The following ULK4 variants were observed in gnomAD, a reference collection of about 807,000 sequenced individuals.
ULK4 encodes the protein inactive serine/threonine-protein kinase ULK4.
In ULK4, 133 loss-of-function variants were observed where a neutral mutation model predicts 160.6. The observed-to-expected ratio is 0.83, with a 90% CI of 0.72 to 0.96. The LOEUF (loss-of-function observed/expected upper bound fraction) is 0.96, where lower values mean the gene tolerates loss of function less well. Among genes scored for constraint, ULK4 ranks in the 40% least tolerant of loss-of-function variants. The probability of loss-of-function intolerance (pLI) is 0.00; values close to 1 mark genes in which losing one functional copy is unlikely to be tolerated. For synonymous variants in ULK4, 534 were observed against 539.8 expected (o/e 0.99, Z 0.15); for missense variants, 1,580 against 1,499.5 (o/e 1.05, Z -0.89).
chr3:41,337,844 A>T (rs916356770), intron 35 of ULK4, among the ~76,000 whole-genome samples: 1 of 152,132 alleles, frequency 6.6e-6, no homozygotes, highest in Non-Finnish European at 1.5e-5. Context: ...CAGAATCTCA[A>T]GCTGCTCCAG....
intron 32 of ULK4, among the ~76,000 whole-genome samples, chr3:41,484,129 G>A (rs1357921775): frequency 1.3e-5 from 2 of 152,172 alleles, no homozygotes; most frequent in Admixed American, 1.3e-4. Flanking sequence ...TTCAGCCACT[G>A]TTCCTAGTAA....
At chr3:41,470,018 GAAAAAAAAA>G (rs71094650) in intron 32 of ULK4, among the ~76,000 whole-genome samples, 22 of 45,976 alleles carry the variant, frequency 4.8e-4, no homozygotes, top group South Asian at 1.1e-3. Flanking sequence ...AAACAGAACA[GAAAAAAAAA>G]AAAAAAAAAA....
In ULK4 at chr3:41,517,434, C is replaced by A. The variant is rs147872273; in HGVS notation, c.3226+48591G>T. Reference sequence around the variant, plus strand: ...GAACTAAGGAGGGCCCTTCTGTTCCCTTCTGCCATTGGGAGGACACAGTAA... The same window carrying A: ...GAACTAAGGAGGGCCCTTCTGTTCCATTCTGCCATTGGGAGGACACAGTAA... On this transcript the variant is annotated intron_variant, in intron 32 of 36. Transcript: ENST00000301831. 2.6e-5 allele frequency among the ~76,000 whole-genome samples: 4 copies of A among 152,234 alleles called. No homozygotes were observed. In the East Asian group the frequency reaches 5.8e-4, roughly 22 times the overall value.
At chr3:41,340,421 TG>T (rs1440820906) in intron 35 of ULK4, among the ~76,000 whole-genome samples, 1 of 152,232 alleles carries the variant, frequency 6.6e-6, no homozygotes, top group Non-Finnish European at 1.5e-5. Flanking sequence ...TGCCATGCAC[TG>T]GCTATGTGAC....
chr3:41,810,772 C>T (rs1349810017), intron 19 of ULK4, among the ~76,000 whole-genome samples: 1 of 152,180 alleles, frequency 6.6e-6, no homozygotes, highest in Non-Finnish European at 1.5e-5. Flanking sequence ...AACTGTTGGG[C>T]TAGTTCTCAT....
intron 21 of ULK4, among the ~76,000 whole-genome samples, chr3:41,757,771 C>T (rs1242604980): frequency 6.6e-6 from 1 of 151,620 alleles, no homozygotes; most frequent in South Asian, 2.1e-4. Flanking sequence ...GTAGCTGGGA[C>T]TACAGGTGCG....
rs144515729 is a variant in ULK4 at position 41,416,866 on chromosome 3, G to C, written c.3493-18602C>G. ...TGAGACAGCATTTGGGCATGAAAGA[G>C]ACTAGAGTTAGAATAAGGAATTAAA... On this transcript the variant is annotated intron_variant, in intron 34 of 36. Coordinates refer to ENST00000301831, the MANE Select transcript of ULK4 (RefSeq NM_017886.4). Among the ~76,000 whole-genome samples the C allele has an allele frequency of 3.1e-4, 47 of 152,310 alleles. No homozygotes were observed. In the East Asian group the frequency reaches 8.9e-3, roughly 29 times the overall value.
At chr3:41,577,666 C>A (rs760078374) in intron 31 of ULK4, among the ~76,000 whole-genome samples, 1 of 151,862 alleles carries the variant, frequency 6.6e-6, no homozygotes, top group Non-Finnish European at 1.5e-5. Flanking sequence ...TTCTCTAGCT[C>A]CATGAGTTCA....
intron 35 of ULK4, among the ~76,000 whole-genome samples, chr3:41,381,855 C>T (rs1464598539): frequency 6.6e-6 from 1 of 152,096 alleles, no homozygotes; most frequent in Non-Finnish European, 1.5e-5. Context: ...TAACCTCTTT[C>T]CTCCACGACA....
intron 17 of ULK4, among the ~76,000 whole-genome samples, chr3:41,867,675 C>T (rs1696945321): frequency 1.3e-5 from 2 of 152,174 alleles, no homozygotes; most frequent in South Asian, 2.1e-4. Flanking sequence ...CCACGCCCAG[C>T]CTGACAATCT....
intron 35 of ULK4, among the ~76,000 whole-genome samples, chr3:41,253,033 TAGAAGATATCATTC>T (rs2078769606): frequency 1.3e-5 from 2 of 152,142 alleles, no homozygotes; most frequent in Non-Finnish European, 2.9e-5. Flanking sequence ...GTTATATACC[TAGAAGATATCATTC>T]AGAAATGATA....
intron 17 of ULK4, chr3:41,859,695 T>G: frequency 2.7e-6 from 1 of 376,458 alleles, no homozygotes; most frequent in Non-Finnish European, 5.1e-6. Flanking sequence ...TCTCACTCTT[T>G]CACCCAGGCT....
At chr3:41,650,980 T>G (rs927417977) in intron 30 of ULK4, among the ~76,000 whole-genome samples, 5 of 152,092 alleles carry the variant, frequency 3.3e-5, no homozygotes, top group African/African-American at 9.7e-5. Flanking sequence ...TCCTTCTAGC[T>G]CTCTCTTTTT....
At chr3:41,602,326 AG>A (rs1463569902) in intron 31 of ULK4, among the ~76,000 whole-genome samples, 75 of 132,476 alleles carry the variant, frequency 5.7e-4, no homozygotes, top group Middle Eastern at 3.7e-3. Flanking sequence ...GAAAGGAGGA[AG>A]GGAAAGGAAA....
chr3:41,717,941 G>A (rs1007871473), intron 22 of ULK4, 80 bp from the exon 23 acceptor site: 1 of 1,521,416 alleles, frequency 6.6e-7, no homozygotes, highest in Non-Finnish European at 9.0e-7. Context: ...GCCAAGGCAA[G>A]TGTTTCCAGA....
At chr3:41,280,093 C>G (rs1318874550) in intron 35 of ULK4, among the ~76,000 whole-genome samples, 1 of 152,176 alleles carries the variant, frequency 6.6e-6, no homozygotes, top group Non-Finnish European at 1.5e-5. Flanking sequence ...AGGACCAATT[C>G]AACAAGAAGA....
intron 17 of ULK4, among the ~76,000 whole-genome samples, chr3:41,873,046 G>C (rs1336790634): frequency 6.6e-6 from 1 of 152,042 alleles, no homozygotes; most frequent in Non-Finnish European, 1.5e-5. Context: ...CCAGCTACTC[G>C]GGAGGCTGAG....
chr3:41,473,942 A>C (rs2084066010), intron 32 of ULK4, among the ~76,000 whole-genome samples: 1 of 152,208 alleles, frequency 6.6e-6, no homozygotes, highest in South Asian at 2.1e-4. Context: ...GATTCAATGC[A>C]GCAATCCCTA....
chr3:41,826,169 T>A (rs2125639111), intron 18 of ULK4, among the ~76,000 whole-genome samples: 1 of 152,166 alleles, frequency 6.6e-6, no homozygotes, highest in East Asian at 1.9e-4. Flanking sequence ...GCACTAAACA[T>A]GGAAAGACCA....
Sources: gnomAD v4.1 joint callset for allele counts (sites outside exome capture counted in the v4.1 genomes callset) on GRCh38, gnomAD v4.1.1 for gene constraint, MANE v1.5 for transcripts, NCBI Gene and HGNC (gene_info 2026-07-23, HGNC 2026-07-21) for gene names.